Variants in GRIK1 observed in about 807,000 individuals in gnomAD.
GRIK1 encodes the protein glutamate ionotropic receptor kainate type subunit 1.
A neutral mutation model predicts 105.7 loss-of-function variants in GRIK1; 69 were observed. The ratio of observed to expected loss-of-function variants is 0.65; its 90% CI spans 0.54 to 0.80. GRIK1 has a LOEUF of 0.80. GRIK1 is among the 30% of genes least tolerant of loss of function. The probability of loss-of-function intolerance (pLI) is 0.00; values close to 1 mark genes in which losing one functional copy is unlikely to be tolerated. For missense variants in GRIK1, 1,109 were observed against 1,167.3 expected (o/e 0.95, Z 0.73); for synonymous variants, 438 against 431.3 (o/e 1.02, Z -0.19).
At chr21:29,888,695 T>G (rs962350514) in intron 1 of GRIK1, among the ~76,000 whole-genome samples, 6 of 152,196 alleles carry the variant, frequency 3.9e-5, no homozygotes, top group African/African-American at 1.4e-4. Flanking sequence ...AATTGACAAC[T>G]GATGTGCAGC....
chr21:29,740,117 A>G (rs2064888822), intron 1 of GRIK1, among the ~76,000 whole-genome samples: 1 of 152,244 alleles, frequency 6.6e-6, no homozygotes, highest in African/African-American at 2.4e-5. Context: ...CGATTCATCA[A>G]GCAACATAAA....
chr21:29,720,190 C>T (rs1304687691), intron 1 of GRIK1, among the ~76,000 whole-genome samples: 1 of 152,142 alleles, frequency 6.6e-6, no homozygotes. Flanking sequence ...GTTAGACCAT[C>T]GTGTTTTTTA....
intron 1 of GRIK1, among the ~76,000 whole-genome samples, chr21:29,780,712 T>C (rs1375247788): frequency 1.3e-5 from 2 of 152,220 alleles, no homozygotes; most frequent in Non-Finnish European, 2.9e-5. Flanking sequence ...TTCTGATGAT[T>C]AGATATTGTT....
chr21:29,690,809 T>C (rs1437399496), intron 2 of GRIK1, among the ~76,000 whole-genome samples: 1 of 152,232 alleles, frequency 6.6e-6, no homozygotes, highest in African/African-American at 2.4e-5. Context: ...AAATTAGGGA[T>C]AAAAAGGCTC....
chr21:29,716,879 A>G (rs1225582966), intron 1 of GRIK1, among the ~76,000 whole-genome samples: 1 of 152,234 alleles, frequency 6.6e-6, no homozygotes, highest in African/African-American at 2.4e-5. Flanking sequence ...AGGGCATGCC[A>G]GAGACCTTCA....
intron 6 of GRIK1, among the ~76,000 whole-genome samples, chr21:29,644,241 T>C (rs759800585): frequency 2.6e-5 from 4 of 152,220 alleles, no homozygotes; most frequent in Non-Finnish European, 1.5e-5. Flanking sequence ...GAATCATTAT[T>C]ATTCTGTTCA....
intron 1 of GRIK1, among the ~76,000 whole-genome samples, chr21:29,826,348 T>C (rs1038864284): frequency 1.3e-5 from 2 of 152,120 alleles, no homozygotes; most frequent in African/African-American, 2.4e-5. Flanking sequence ...TGCCCAGATA[T>C]GTGGTCAAAC....
chr21:29,828,317 C>T (rs2067531534), intron 1 of GRIK1, among the ~76,000 whole-genome samples: 1 of 151,894 alleles, frequency 6.6e-6, no homozygotes, highest in Admixed American at 6.6e-5. Context: ...ATCATTTATA[C>T]CGAAAAACCT....
At chr21:29,734,788 A>G (rs2064746403) in intron 1 of GRIK1, among the ~76,000 whole-genome samples, 1 of 152,120 alleles carries the variant, frequency 6.6e-6, no homozygotes, top group Non-Finnish European at 1.5e-5. Flanking sequence ...ACATAGCTCT[A>G]ATGACCTCTG....
chr21:29,887,315 T>A (rs2069666382), intron 1 of GRIK1, among the ~76,000 whole-genome samples: 1 of 152,120 alleles, frequency 6.6e-6, no homozygotes, highest in Admixed American at 6.5e-5. Flanking sequence ...AATATGGGGG[T>A]ACAGAAGTTC....
At chr21:29,926,414 A>G (rs926030069) in intron 1 of GRIK1, among the ~76,000 whole-genome samples, 1 of 152,166 alleles carries the variant, frequency 6.6e-6, no homozygotes, top group Non-Finnish European at 1.5e-5. Flanking sequence ...GATTTTTAAC[A>G]CCTTTCAAAT....
Position 29,689,731 on chromosome 21 carries a change from T to C in GRIK1, c.541A>G (p.Thr181Ala). The C allele has an allele frequency of 6.2e-7, 1 of 1,613,978 alleles. No individual in the cohort carries two copies. Among genetic ancestry groups the C allele is most frequent in the Non-Finnish European group, 8.5e-7 (1 of 1,179,844 alleles). ...KTVTVVYEDS[T>A]GLIRLQELIK... The stretch of plus-strand genomic sequence containing the variant: ...AGGTCTTGTGTGAGTCCCATACCTG[T>C]GCTGTCTTCATACACCACTGTCACT... Residue 181 changes from threonine (T) to alanine (A), a missense_variant, in exon 3 of 18, where the codon ACA (threonine) becomes GCA (alanine). Coordinates refer to ENST00000327783, the MANE Select transcript of GRIK1 (RefSeq NM_001330994.2).
chr21:29,785,867 C>T (rs936293048), intron 1 of GRIK1, among the ~76,000 whole-genome samples: 1 of 152,176 alleles, frequency 6.6e-6, no homozygotes, highest in Non-Finnish European at 1.5e-5. Flanking sequence ...AAAGAATGGG[C>T]TAGGGGACAA....
At chr21:29,753,564 A>G (rs1055992454) in intron 1 of GRIK1, among the ~76,000 whole-genome samples, 11 of 152,242 alleles carry the variant, frequency 7.2e-5, no homozygotes, top group Non-Finnish European at 1.0e-4. Context: ...TCCCTGTGAA[A>G]CCACAGAAAA....
chr21:29,711,238 T>C (rs1471786044), intron 1 of GRIK1, among the ~76,000 whole-genome samples: 2 of 152,156 alleles, frequency 1.3e-5, no homozygotes, highest in Admixed American at 6.5e-5. Context: ...TCCTATAGGA[T>C]TATAATGCCA....
chr21:29,570,843 CTTTTTT>C (rs34929553), intron 14 of GRIK1, among the ~76,000 whole-genome samples: 1 of 146,042 alleles, frequency 6.8e-6, no homozygotes, highest in Non-Finnish European at 1.5e-5. Flanking sequence ...CTTAGAGTTG[CTTTTTT>C]TTTTTTTGAT....
intron 16 of GRIK1, among the ~76,000 whole-genome samples, chr21:29,544,302 A>G (rs900604100): frequency 6.6e-6 from 1 of 152,186 alleles, no homozygotes; most frequent in Middle Eastern, 3.2e-3. Flanking sequence ...TCTTAATTTT[A>G]AAAAATGATC....
At position 29,691,585 on chromosome 21, in the gene GRIK1, A is replaced by T. The variant is rs1162457946; in HGVS notation, c.287-1600T>A. ...ATGTAAAATAGTGCCTATTAATCTT[A>T]TGTTGGTAGGAATTAAATAAGAGCT... is the stretch of plus-strand genomic sequence containing the variant. On this transcript the variant is annotated intron_variant, in intron 2 of 17. Coordinates refer to ENST00000327783, the MANE Select transcript of GRIK1 (RefSeq NM_001330994.2). 2.0e-5 allele frequency among the ~76,000 whole-genome samples: 3 copies of T among 152,212 alleles called. No homozygotes were observed. The East Asian group carries it at 5.8e-4, about 29-fold the overall frequency.
At chr21:29,817,368 G>A (rs73897851) in intron 1 of GRIK1, among the ~76,000 whole-genome samples, 8,343 of 152,060 alleles carry the variant, frequency 0.055, 268 homozygotes, top group Non-Finnish European at 0.065. Context: ...CATCAAAAGC[G>A]AAAACAAATT....
Sources: gnomAD v4.1 joint callset for allele counts (sites outside exome capture counted in the v4.1 genomes callset) on GRCh38, gnomAD v4.1.1 for gene constraint, MANE v1.5 for transcripts, NCBI Gene and HGNC (gene_info 2026-07-23, HGNC 2026-07-21) for gene names.